SCUBE1: variants seen among roughly 807,000 people sequenced by gnomAD.
SCUBE1 encodes the protein signal peptide, CUB and EGF-like domain-containing protein 1.
SCUBE1 carries 59 observed loss-of-function variants against 124.4 expected under a neutral mutation model. The observed-to-expected ratio is 0.47, with a 90% CI of 0.38 to 0.59. SCUBE1 has a LOEUF of 0.59. Among genes scored for constraint, SCUBE1 ranks in the 20% least tolerant of loss-of-function variants. SCUBE1 has a pLI of 0.00. For synonymous variants in SCUBE1, 545 were observed against 550.9 expected, an observed-to-expected ratio of 0.99 and a Z score of 0.15; for missense variants, 1,150 against 1,371.2, an observed-to-expected ratio of 0.84 and a Z score of 2.55.
At chr22:43,269,821 G>T (rs968663914) in intron 4 of SCUBE1, among the ~76,000 whole-genome samples, 1 of 152,184 alleles carries the variant, frequency 6.6e-6, no homozygotes, top group Non-Finnish European at 1.5e-5. Context: ...AACGTTGAAG[G>T]GGGGTGAAGG....
At chr22:43,233,902 G>T (rs1922655743) in intron 7 of SCUBE1, among the ~76,000 whole-genome samples, 2 of 151,884 alleles carry the variant, frequency 1.3e-5, no homozygotes. Context: ...GAGCCTCGGG[G>T]AGGGACATGG....
intron 6 of SCUBE1, among the ~76,000 whole-genome samples, chr22:43,247,995 C>T (rs577068798): frequency 8.5e-5 from 13 of 152,316 alleles, no homozygotes; most frequent in East Asian, 5.8e-4. Flanking sequence ...CTTAGACCAG[C>T]GGCCAAGAAA....
chr22:43,288,038 C>T (rs1034891518), intron 4 of SCUBE1, among the ~76,000 whole-genome samples: 8 of 152,158 alleles, frequency 5.3e-5, no homozygotes, highest in Non-Finnish European at 5.9e-5. Context: ...CCTTGTCGTT[C>T]GAGAGCAATC....
At position 43,243,457 on chromosome 22, in the gene SCUBE1, G is replaced by C. The variant is rs546592122; in HGVS notation, c.728-4503C>G. Among the ~76,000 whole-genome samples the C allele has an allele frequency of 5.9e-5, 9 of 152,380 alleles. No individual in the cohort carries two copies. The South Asian group carries it at 1.7e-3, about 28-fold the overall frequency. ...CTGCTTTGGGCTGGGCCCTGCAGGG[G>C]AGGCCGGGCGCTCCACTGGACCCTG... On this transcript the variant is annotated intron_variant, in intron 6 of 21. Coordinates refer to ENST00000360835, the MANE Select transcript of SCUBE1 (RefSeq NM_173050.5).
chr22:43,261,589 GC>G (rs1328444387), intron 5 of SCUBE1, among the ~76,000 whole-genome samples: 1 of 152,200 alleles, frequency 6.6e-6, no homozygotes, highest in Non-Finnish European at 1.5e-5. Flanking sequence ...ACCAACAAGG[GC>G]CAGCTGTCCT....
intron 3 of SCUBE1, among the ~76,000 whole-genome samples, chr22:43,292,848 C>T (rs370659669): frequency 7.9e-5 from 12 of 152,192 alleles, no homozygotes; most frequent in East Asian, 1.9e-4. Flanking sequence ...AAATGTCAGC[C>T]GTGTGGGCAG....
intron 4 of SCUBE1, among the ~76,000 whole-genome samples, chr22:43,287,958 C>G (rs1925208800): frequency 6.6e-6 from 1 of 152,246 alleles, no homozygotes; most frequent in South Asian, 2.1e-4. Context: ...CCGCTGACCA[C>G]TGTGCTGTGT....
At chr22:43,271,744 C>G (rs1601845226) in intron 4 of SCUBE1, among the ~76,000 whole-genome samples, 1 of 152,172 alleles carries the variant, frequency 6.6e-6, no homozygotes, top group Admixed American at 6.5e-5. Context: ...CCAGCCACCC[C>G]CAGGCAGCAT....
chr22:43,319,514 G>C (rs571400702), intron 3 of SCUBE1, among the ~76,000 whole-genome samples: 1 of 120,648 alleles, frequency 8.3e-6, no homozygotes, highest in East Asian at 2.8e-4. Context: ...AGTGAGCTGA[G>C]ATTACACCAC....
intron 3 of SCUBE1, among the ~76,000 whole-genome samples, chr22:43,297,352 G>A (rs1447619040): frequency 6.6e-6 from 1 of 152,230 alleles, no homozygotes; most frequent in Non-Finnish European, 1.5e-5. Context: ...ACAGGACATG[G>A]CACCTTGGTC....
intron 15 of SCUBE1, among the ~76,000 whole-genome samples, chr22:43,216,994 C>T (rs1461680539): frequency 4.5e-5 from 5 of 112,328 alleles, no homozygotes; most frequent in African/African-American, 1.7e-4. Flanking sequence ...CCCCCCACCC[C>T]GCCAGGTGTC....
intron 2 of SCUBE1, among the ~76,000 whole-genome samples, chr22:43,325,021 C>G (rs568684413): frequency 3.6e-4 from 54 of 150,272 alleles, no homozygotes; most frequent in Non-Finnish European, 7.4e-4. Context: ...CACAGACATA[C>G]AGGGAGAAGA....
intron 4 of SCUBE1, chr22:43,282,837 A>C (rs1181166795): frequency 6.6e-6 from 1 of 152,184 alleles, no homozygotes; most frequent in Admixed American, 6.6e-5. Flanking sequence ...CTGGGATTAC[A>C]GGAGTGCGCC....
intron 6 of SCUBE1, among the ~76,000 whole-genome samples, chr22:43,249,128 T>A (rs1923336662): frequency 6.6e-6 from 1 of 151,904 alleles, no homozygotes; most frequent in Admixed American, 6.5e-5. Flanking sequence ...GAGAAGAGGA[T>A]GTGACCCCTG....
intron 4 of SCUBE1, among the ~76,000 whole-genome samples, chr22:43,279,400 A>G (rs1350818534): frequency 6.6e-6 from 1 of 152,184 alleles, no homozygotes; most frequent in Non-Finnish European, 1.5e-5. Context: ...TGCCAGCAGG[A>G]AAGAAACCTT....
intron 6 of SCUBE1, among the ~76,000 whole-genome samples, chr22:43,241,450 AG>A (rs1407234650): frequency 2.0e-5 from 3 of 152,036 alleles, no homozygotes; most frequent in African/African-American, 7.3e-5. Flanking sequence ...GCAGAGCTGG[AG>A]GGGACCTGCT....
intron 4 of SCUBE1, among the ~76,000 whole-genome samples, chr22:43,281,591 AGCCACCCTCCTGTCACCTCCTCCT>A (rs1924909985): frequency 9.6e-6 from 1 of 104,574 alleles, no homozygotes; most frequent in Admixed American, 8.9e-5. Context: ...CTCCCTTCTC[AGCCACCCTCCTGTCACCTCCTCCT>A]CAGCAACCCT....
At chr22:43,221,027 ACT>A (rs1189814337) in intron 13 of SCUBE1, 144 bp downstream of exon 13, 17 of 624,494 alleles carry the variant, frequency 2.7e-5, no homozygotes, top group Non-Finnish European at 4.7e-5. Context: ...GTCCTTGGAA[ACT>A]CTCATTCAAT....
At chr22:43,259,212 C>G (rs1203816487) in intron 5 of SCUBE1, among the ~76,000 whole-genome samples, 1 of 152,168 alleles carries the variant, frequency 6.6e-6, no homozygotes, top group African/African-American at 2.4e-5. Flanking sequence ...CAAGTGCTCC[C>G]CAGGGGGTGC....
Sources: gnomAD v4.1 joint callset for allele counts (sites outside exome capture counted in the v4.1 genomes callset) on GRCh38, gnomAD v4.1.1 for gene constraint, MANE v1.5 for transcripts, NCBI Gene and HGNC (gene_info 2026-07-23, HGNC 2026-07-21) for gene names.